The following AGAP1 variants were observed in gnomAD, a reference collection of about 807,000 sequenced individuals.
AGAP1 encodes the protein arf-GAP with GTPase, ANK repeat and PH domain-containing protein 1.
In AGAP1, 29 loss-of-function variants were observed where a neutral mutation model predicts 105.3. The observed-to-expected ratio is 0.28, with a 90% CI of 0.21 to 0.38. AGAP1 has a LOEUF of 0.38. AGAP1 is among the 10% of genes least tolerant of loss of function. AGAP1 has a pLI of 1.00. For missense variants in AGAP1, 998 were observed against 1,165.1 expected (o/e 0.86, Z 2.09); for synonymous variants, 509 against 485.9 (o/e 1.05, Z -0.63).
chr2:236,107,123 C>T lies in AGAP1; in HGVS notation c.2115-13069C>T, dbSNP rs369855483. ...TACCCGTTCCCCCCCGCCCCACCCCCGCCAGCGGATTCTCCTGCGGAACCT... is the reference window on the plus strand; with the variant it reads ...TACCCGTTCCCCCCCGCCCCACCCCTGCCAGCGGATTCTCCTGCGGAACCT... On this transcript the variant is annotated intron_variant, in intron 16 of 17. Coordinates refer to ENST00000304032, the MANE Select transcript of AGAP1 (RefSeq NM_001037131.3). 5.3e-5 allele frequency among the ~76,000 whole-genome samples: 8 copies of T among 151,752 alleles called. No individual in the cohort carries two copies. In the East Asian group the frequency reaches 5.8e-4, roughly 11 times the overall value.
Position 235,609,677 on chromosome 2 carries a change from G to A in AGAP1, c.164-99502G>A, listed in dbSNP as rs950199975. 2.0e-5 allele frequency among the ~76,000 whole-genome samples: 3 copies of A among 152,076 alleles called. No individual in the cohort carries two copies. The highest frequency in any genetic ancestry group is 6.6e-5 in the Admixed American group (1 of 15,260). Reference sequence around the variant, plus strand: ...CTGAGGGAGCATCCTTATGGTAAACGTCCCTGGTTCTGTACCGGAGGAACA... The same window carrying A: ...CTGAGGGAGCATCCTTATGGTAAACATCCCTGGTTCTGTACCGGAGGAACA... On this transcript the variant is annotated intron_variant, in intron 1 of 17. Coordinates refer to ENST00000304032, the MANE Select transcript of AGAP1 (RefSeq NM_001037131.3). This position sits in a 1 kb window ranked among gnomAD's most constrained non-coding sequence, Gnocchi z 5.1.
intron 1 of AGAP1, among the ~76,000 whole-genome samples, chr2:235,685,925 A>G (rs1304301217): frequency 6.6e-6 from 1 of 152,188 alleles, no homozygotes; most frequent in African/African-American, 2.4e-5. Context: ...GGTTAGGTCC[A>G]GAAAGGCAGG....
At position 235,631,722 on chromosome 2, in the gene AGAP1, C is replaced by T. The variant is rs1946835815; in HGVS notation, c.164-77457C>T. ...ATCTGCTTCACATGGTCAGAAAATT[C>T]TGTGAGGTGACACACGGAGCCTTGG... On this transcript the variant is annotated intron_variant, in intron 1 of 17. Coordinates refer to ENST00000304032, the MANE Select transcript of AGAP1 (RefSeq NM_001037131.3). The surrounding 1 kb of genome is among the most constrained non-coding windows in gnomAD (Gnocchi z 5.4). Among the ~76,000 whole-genome samples, 1 of 152,218 alleles carries T rather than the reference C, an allele frequency of 6.6e-6. No homozygotes were observed. The highest frequency in any genetic ancestry group is 6.5e-5 in the Admixed American group (1 of 15,278).
chr2:235,797,379 C>T (rs1032720163), intron 6 of AGAP1, among the ~76,000 whole-genome samples: 1 of 152,030 alleles, frequency 6.6e-6, no homozygotes, highest in Non-Finnish European at 1.5e-5. Context: ...AGTGTCGCCT[C>T]GTGTTCCACA....
In AGAP1 at chr2:235,690,377, C is replaced by T. The variant is rs1375628325; in HGVS notation, c.164-18802C>T. Among the ~76,000 whole-genome samples, 1 of 152,108 alleles carries T rather than the reference C, an allele frequency of 6.6e-6. No individual in the cohort carries two copies. ...GGGGCAGGTGCAGGAGGGAGCCTGGCTCTTCAGGTTAAATTGTGTTTCAAA... is the reference window on the plus strand; with the variant it reads ...GGGGCAGGTGCAGGAGGGAGCCTGGTTCTTCAGGTTAAATTGTGTTTCAAA... On this transcript the variant is annotated intron_variant, in intron 1 of 17. Coordinates refer to ENST00000304032, the MANE Select transcript of AGAP1 (RefSeq NM_001037131.3). The surrounding 1 kb of genome is among the most constrained non-coding windows in gnomAD (Gnocchi z 4.1).
intron 1 of AGAP1, among the ~76,000 whole-genome samples, chr2:235,525,826 GGAGGACTGATTTATAAAGTA>G (rs1181126223): frequency 2.6e-5 from 2 of 75,758 alleles, no homozygotes; most frequent in African/African-American, 1.2e-4. Flanking sequence ...CACATAATGT[GGAGGACTGATTTATAAAGTA>G]GAGGACTGAT....
At chr2:235,688,221 G>A (rs774235669) in intron 1 of AGAP1, among the ~76,000 whole-genome samples, 15 of 152,112 alleles carry the variant, frequency 9.9e-5, no homozygotes, top group African/African-American at 1.9e-4. Flanking sequence ...CTCGGATCTT[G>A]AACCTCCTGT....
rs529452624 is a variant in AGAP1 at position 235,673,713 on chromosome 2, A to G, written c.164-35466A>G. On this transcript the variant is annotated intron_variant, in intron 1 of 17. Coordinates refer to ENST00000304032, the MANE Select transcript of AGAP1 (RefSeq NM_001037131.3). ...GTAGACCTGCAACGTGATAAGCATC[A>G]TGAGAAGCACCACTGGCTTTCTGTA... Among the ~76,000 whole-genome samples the G allele has an allele frequency of 2.0e-5, 3 of 152,350 alleles. No individual in the cohort carries two copies. In the South Asian group the frequency reaches 6.2e-4, roughly 32 times the overall value.
At chr2:236,098,048 G>A (rs573841865) in intron 16 of AGAP1, among the ~76,000 whole-genome samples, 25 of 152,272 alleles carry the variant, frequency 1.6e-4, no homozygotes, top group Non-Finnish European at 2.6e-4. Flanking sequence ...CTATTCCATC[G>A]TGTGGATAGA....
Position 235,553,736 on chromosome 2 carries a change from G to A in AGAP1, c.163+58887G>A, listed in dbSNP as rs1023184726. Among the ~76,000 whole-genome samples the A allele has an allele frequency of 6.6e-6, 1 of 152,044 alleles. No individual in the cohort carries two copies. The highest frequency in any genetic ancestry group is 2.4e-5 in the African/African-American group (1 of 41,404). On this transcript the variant is annotated intron_variant, in intron 1 of 17. Coordinates refer to ENST00000304032, the MANE Select transcript of AGAP1 (RefSeq NM_001037131.3). This position sits in a 1 kb window ranked among gnomAD's most constrained non-coding sequence, Gnocchi z 4.5. ...AGAGTCTCAAGCAGGTGAGGGTGGGGTGCAGGAGAGGAGCGTTCAGGGCAC... is the reference window on the plus strand; with the variant it reads ...AGAGTCTCAAGCAGGTGAGGGTGGGATGCAGGAGAGGAGCGTTCAGGGCAC...
At chr2:235,512,109 G>GAA (rs1574726657) in intron 1 of AGAP1, among the ~76,000 whole-genome samples, 2 of 152,274 alleles carry the variant, frequency 1.3e-5, no homozygotes, top group South Asian at 4.2e-4. Context: ...GTGTGAATGT[G>GAA]TGTGTGTGTG....
rs1946242937 is a variant in AGAP1, at chr2:235,614,462, C to A, written c.164-94717C>A. On this transcript the variant is annotated intron_variant, in intron 1 of 17. Coordinates refer to ENST00000304032, the MANE Select transcript of AGAP1 (RefSeq NM_001037131.3). This position sits in a 1 kb window ranked among gnomAD's most constrained non-coding sequence, Gnocchi z 4.7. ...GGATGTATTTGGGGAGGGAAGAAGGCAGTTGTAGCTCAAGGGAGAGAAAAG... is the reference window on the plus strand; with the variant it reads ...GGATGTATTTGGGGAGGGAAGAAGGAAGTTGTAGCTCAAGGGAGAGAAAAG... Among the ~76,000 whole-genome samples the A allele has an allele frequency of 6.6e-6, 1 of 151,962 alleles. No homozygotes were observed. Among genetic ancestry groups the A allele is most frequent in the Non-Finnish European group, 1.5e-5 (1 of 68,006 alleles).
chr2:236,049,927 A>G (rs894690106), intron 16 of AGAP1: 1 of 152,220 alleles, frequency 6.6e-6, no homozygotes, highest in African/African-American at 2.4e-5. Flanking sequence ...GGGGTGATAA[A>G]ATGGAGTGTC....
intron 9 of AGAP1, among the ~76,000 whole-genome samples, chr2:235,814,191 G>A (rs754242893): frequency 6.6e-6 from 1 of 152,208 alleles, no homozygotes; most frequent in Admixed American, 6.5e-5. Flanking sequence ...CTATGTCTGT[G>A]GGCACAGGCC....
intron 1 of AGAP1, among the ~76,000 whole-genome samples, chr2:235,661,808 C>T (rs1481430646): frequency 6.6e-6 from 1 of 152,122 alleles, no homozygotes; most frequent in Non-Finnish European, 1.5e-5. Context: ...CAGGTGGGGC[C>T]ATGTCTGGAG....
chr2:236,026,877 C>T (rs1303708598), intron 13 of AGAP1, among the ~76,000 whole-genome samples: 2 of 152,176 alleles, frequency 1.3e-5, no homozygotes. Flanking sequence ...CCCTTCCAGC[C>T]CCTATGCCGT....
At chr2:235,632,793 C>T (rs1946871191) in intron 1 of AGAP1, among the ~76,000 whole-genome samples, 1 of 152,022 alleles carries the variant, frequency 6.6e-6, no homozygotes. Context: ...CGTTCATCAG[C>T]CCGGTTTTCC....
intron 1 of AGAP1, among the ~76,000 whole-genome samples, chr2:235,565,164 C>G (rs55967402): frequency 6.7e-6 from 1 of 150,000 alleles, no homozygotes; most frequent in Non-Finnish European, 1.5e-5. Context: ...TGAGCCTGGA[C>G]CACCACCCAC....
rs1269275037 is a variant in AGAP1, at chr2:235,689,786, C to G, written c.164-19393C>G. On this transcript the variant is annotated intron_variant, in intron 1 of 17. Transcript: ENST00000304032. The surrounding 1 kb of genome is among the most constrained non-coding windows in gnomAD (Gnocchi z 4.2). ...CGTGCACACTTGTGTGACGTGTCAG[C>G]TCGTGCCTGCAGAGACTCTGCCAGC... Among the ~76,000 whole-genome samples the G allele has an allele frequency of 6.6e-6, 1 of 152,226 alleles. No homozygotes were observed. The highest frequency in any genetic ancestry group is 1.5e-5 in the Non-Finnish European group (1 of 68,044).
Sources: allele counts gnomAD v4.1 joint callset (sites outside exome capture counted in the v4.1 genomes callset), GRCh38; gene constraint gnomAD v4.1.1; non-coding constraint Gnocchi (gnomAD v3.1); transcripts MANE v1.5; gene names NCBI Gene and HGNC (gene_info 2026-07-23, HGNC 2026-07-21).